The following PKHD1 variants were observed in gnomAD, a reference collection of about 807,000 sequenced individuals.
PKHD1 encodes the protein PKHD1 ciliary IPT domain containing fibrocystin/polyductin, also known as fibrocystin.
PKHD1 carries 291 observed loss-of-function variants against 412.0 expected under a neutral mutation model. That is an observed-to-expected ratio of 0.71 (90% CI 0.64 to 0.78). The LOEUF is 0.78. Ranked by LOEUF, PKHD1 falls within the 30% of genes least tolerant of loss-of-function variation. The probability of loss-of-function intolerance (pLI) is 0.00; values close to 1 mark genes in which losing one functional copy is unlikely to be tolerated. For missense variants in PKHD1, 4,825 were observed against 4,950.7 expected, an observed-to-expected ratio of 0.97 and a Z score of 0.76; for synonymous variants, 1,777 against 1,821.5, an observed-to-expected ratio of 0.98 and a Z score of 0.62.
chr6:52,021,855 A>C (rs1801446495), intron 33 of PKHD1, among the ~76,000 whole-genome samples: 1 of 152,132 alleles, frequency 6.6e-6, no homozygotes, highest in African/African-American at 2.4e-5. Flanking sequence ...ATTCTCATCC[A>C]AGCTCAGATG....
intron 60 of PKHD1, among the ~76,000 whole-genome samples, chr6:51,669,013 C>T (rs1188707038): frequency 6.6e-6 from 1 of 152,010 alleles, no homozygotes; most frequent in African/African-American, 2.4e-5. Context: ...TTCTCTTTTT[C>T]AGTTGTGTCT....
At chr6:51,883,260 G>A in intron 45 of PKHD1, 33 bp from the exon 46 acceptor site, 1 of 1,607,874 alleles carries the variant, frequency 6.2e-7, no homozygotes, top group Non-Finnish European at 8.5e-7. Flanking sequence ...GCAAAGGTCT[G>A]AGGCTTGGTT....
chr6:51,801,856 A>C (rs1015659354), intron 52 of PKHD1, among the ~76,000 whole-genome samples: 4 of 152,160 alleles, frequency 2.6e-5, no homozygotes, highest in African/African-American at 9.7e-5. Flanking sequence ...ATTTTAAATT[A>C]TGATATTTTA....
chr6:51,856,536 CA>C (rs1182719323), intron 48 of PKHD1, among the ~76,000 whole-genome samples: 1 of 152,198 alleles, frequency 6.6e-6, no homozygotes, highest in Admixed American at 6.5e-5. Flanking sequence ...TTATCAACAG[CA>C]AAAAACATTA....
chr6:51,836,695 G>A (rs1769287420), intron 50 of PKHD1, among the ~76,000 whole-genome samples: 1 of 152,160 alleles, frequency 6.6e-6, no homozygotes, highest in East Asian at 1.9e-4. Context: ...AGGAGAACTG[G>A]CACATAAATA....
In PKHD1 at chr6:52,058,240, C is replaced by T. The variant is rs1018017158; in HGVS notation, c.1512+83G>A. The T allele has an allele frequency of 6.4e-6, 9 of 1,410,846 alleles. No homozygotes were observed. The African/African-American group carries it at 1.3e-4, about 20-fold the overall frequency. The allele number at this position is 1,410,846 out of a possible 1,614,324, so 87.4% of individuals were successfully genotyped here. On this transcript the variant is annotated intron_variant, in intron 16 of 66. Transcript: ENST00000371117. Reference sequence around the variant, plus strand: ...AGGTTATAATGACCCCTCAGGTCGCCAGACTCCCAGTCAGTGCTCCTGCTA... The same window carrying T: ...AGGTTATAATGACCCCTCAGGTCGCTAGACTCCCAGTCAGTGCTCCTGCTA...
chr6:51,695,585 G>C (rs1778703422), intron 60 of PKHD1, among the ~76,000 whole-genome samples: 1 of 152,142 alleles, frequency 6.6e-6, no homozygotes. Context: ...CATTTCTATA[G>C]TTATTCAGCT....
chr6:51,639,958 TTC>T (rs1769129021), intron 63 of PKHD1, among the ~76,000 whole-genome samples: 2 of 152,248 alleles, frequency 1.3e-5, no homozygotes, highest in African/African-American at 4.8e-5. Context: ...TAACTAAAAC[TTC>T]TTTTTTGAGA....
At position 52,082,461 on chromosome 6, in the gene PKHD1, G is replaced by T; in HGVS notation, c.212C>A (p.Ala71Glu). ...HLVNVNMVVP[A>E]LRSVPCDVFP... ...GACGTCACAGGGAACACTCCGCAGT[G>T]CGGGCACCACCATGTTCACGTTCAC... Residue 71 changes from alanine to glutamate, a missense_variant, in exon 4 of 67, where the codon GCA becomes GAA. Coordinates refer to ENST00000371117, the MANE Select transcript of PKHD1 (RefSeq NM_138694.4). 1 of 1,614,084 alleles carries T rather than the reference G, an allele frequency of 6.2e-7. No individual in the cohort carries two copies. The highest frequency in any genetic ancestry group is 8.5e-7 in the Non-Finnish European group (1 of 1,179,948).
intron 52 of PKHD1, among the ~76,000 whole-genome samples, chr6:51,823,994 TAA>T (rs1766909290): frequency 6.6e-6 from 1 of 152,174 alleles, no homozygotes; most frequent in African/African-American, 2.4e-5. Context: ...GGGGTCAACT[TAA>T]AACACTGGGT....
chr6:51,933,948 A>G (rs980388617), intron 37 of PKHD1, among the ~76,000 whole-genome samples, 162 bp downstream of exon 37: 1 of 152,258 alleles, frequency 6.6e-6, no homozygotes, highest in Non-Finnish European at 1.5e-5. Flanking sequence ...ACTCTGCCAC[A>G]TGAATCGTAA....
At chr6:51,639,057 A>AT in intron 63 of PKHD1, 101 bp from the exon 64 acceptor site, 1 of 915,324 alleles carries the variant, frequency 1.1e-6, no homozygotes, top group Non-Finnish European at 1.8e-6. Flanking sequence ...ATAAAGGACA[A>AT]TTTTTTAAAC....
chr6:51,897,459 A>C (rs1245332337), intron 43 of PKHD1, among the ~76,000 whole-genome samples: 1 of 151,564 alleles, frequency 6.6e-6, no homozygotes, highest in Non-Finnish European at 1.5e-5. Flanking sequence ...AGACAAGCAA[A>C]TGCTGAGAGA....
rs1562040858 is a variant in PKHD1, at chr6:51,659,279, G to C, written c.10847C>G (p.Ala3616Gly). The C allele has an allele frequency of 1.2e-6, 2 of 1,613,796 alleles. No homozygotes were observed. The highest frequency in any genetic ancestry group is 8.5e-7 in the Non-Finnish European group (1 of 1,179,858). ...AGTAGGGCAATTGCGCTTTCTTTTT[G>C]CTCTACTGTCAGCAATGGCCTTTAA... ...ETLKAIADSR[A>G]KRKRNCPTVT... Residue 3616 changes from alanine (A) to glycine (G), a missense_variant, in exon 61 of 67, where the codon GCA becomes GGA. Physicochemically the swap from Ala to Gly is moderately conservative, Grantham distance 60 (BLOSUM62 0). Coordinates refer to ENST00000371117, the MANE Select transcript of PKHD1 (RefSeq NM_138694.4).
rs558596605 is a variant in PKHD1, at chr6:52,063,915, A to G, written c.976+1040T>C. Among the ~76,000 whole-genome samples, 8 of 152,346 alleles carry G rather than the reference A, an allele frequency of 5.3e-5. No individual in the cohort carries two copies. The East Asian group carries it at 1.3e-3, about 26-fold the overall frequency. On this transcript the variant is annotated intron_variant, in intron 13 of 66. Coordinates refer to ENST00000371117, the MANE Select transcript of PKHD1 (RefSeq NM_138694.4). ...GCTGCATTCAGGAAATTATCCTACC[A>G]CTACCCAAGTAGCTAAAGCAGGAAA... is the stretch of plus-strand genomic sequence containing the variant.
intron 54 of PKHD1, among the ~76,000 whole-genome samples, chr6:51,775,201 C>G (rs1488550661): frequency 6.6e-6 from 1 of 151,628 alleles, no homozygotes; most frequent in Non-Finnish European, 1.5e-5. Context: ...AAGAAAATTG[C>G]TTCATGCCAA....
At chr6:51,741,182 G>A (rs751840205) in intron 60 of PKHD1, 4 of 518,744 alleles carry the variant, frequency 7.7e-6, no homozygotes, top group African/African-American at 3.9e-5. Flanking sequence ...ACACCATCTG[G>A]TAAGCAACCA....
intron 60 of PKHD1, among the ~76,000 whole-genome samples, chr6:51,685,496 A>T (rs926659111): frequency 2.0e-5 from 3 of 151,672 alleles, no homozygotes; most frequent in Non-Finnish European, 4.4e-5. Flanking sequence ...AAACAATGTT[A>T]AAAAAAATTT....
chr6:52,011,119 C>T (rs1336195944), intron 34 of PKHD1, among the ~76,000 whole-genome samples: 1 of 152,176 alleles, frequency 6.6e-6, no homozygotes, highest in Non-Finnish European at 1.5e-5. Context: ...TACTACCAGC[C>T]ACTCGCTTTA....
Sources: allele counts gnomAD v4.1 joint callset (sites outside exome capture counted in the v4.1 genomes callset), GRCh38; gene constraint gnomAD v4.1.1; transcripts MANE v1.5; gene names NCBI Gene and HGNC (gene_info 2026-07-23, HGNC 2026-07-21).